DAB1: variants seen among roughly 807,000 people sequenced by gnomAD.
DAB1 encodes DAB adaptor protein 1, also known as disabled homolog 1.
In DAB1, 15 loss-of-function variants were observed where a neutral mutation model predicts 64.6. The observed-to-expected ratio is 0.23, with a 90% CI of 0.16 to 0.36. The LOEUF (loss-of-function observed/expected upper bound fraction) is 0.36, where lower values mean the gene tolerates loss of function less well. DAB1 is among the 10% of genes least tolerant of loss of function. DAB1 has a pLI of 1.00. For synonymous variants in DAB1, 235 were observed against 251.9 expected, an observed-to-expected ratio of 0.93 and a Z score of 0.64; for missense variants, 596 against 706.7, an observed-to-expected ratio of 0.84 and a Z score of 1.78.
intron 2 of DAB1, among the ~76,000 whole-genome samples, chr1:57,267,557 G>C (rs2100578255): frequency 1.3e-5 from 2 of 152,302 alleles, no homozygotes; most frequent in African/African-American, 4.8e-5. Context: ...GCAGCCTCTG[G>C]AGAAAGATGC....
chr1:57,056,727 A>G (rs1292164918), intron 9 of DAB1, among the ~76,000 whole-genome samples: 3 of 148,166 alleles, frequency 2.0e-5, no homozygotes, highest in Non-Finnish European at 4.5e-5. Flanking sequence ...AGCCAGGCGT[A>G]GTGGTGCACG....
intron 4 of DAB1, among the ~76,000 whole-genome samples, chr1:57,107,236 A>G (rs1655246580): frequency 6.6e-6 from 1 of 152,028 alleles, no homozygotes; most frequent in Non-Finnish European, 1.5e-5. Flanking sequence ...TTAGCTGGGC[A>G]TGTTGGTGGA....
At chr1:57,788,691 A>C (rs1650450486) in intron 6 of DAB1, among the ~76,000 whole-genome samples, 2 of 152,156 alleles carry the variant, frequency 1.3e-5, no homozygotes, top group South Asian at 4.1e-4. Context: ...ACTTCCTGTG[A>C]GGAACTTGGG....
chr1:57,415,280 C>CACACAT (rs1369470024), intron 1 of DAB1, among the ~76,000 whole-genome samples: 2,052 of 145,284 alleles, frequency 0.014, 25 homozygotes, highest in Non-Finnish European at 0.019. Context: ...CACACACACA[C>CACACAT]ATATATGCAC....
intron 3 of DAB1, among the ~76,000 whole-genome samples, chr1:58,351,891 G>A (rs1383867287): frequency 6.8e-6 from 1 of 147,778 alleles, no homozygotes; most frequent in Non-Finnish European, 1.5e-5. Flanking sequence ...TAAGGACGGT[G>A]AGTCTAGGTA....
intron 5 of DAB1, among the ~76,000 whole-genome samples, chr1:58,098,544 A>C (rs1015844487): frequency 1.1e-4 from 16 of 152,188 alleles, no homozygotes; most frequent in Non-Finnish European, 5.9e-5. Flanking sequence ...AGGAGTCATG[A>C]ACTATTATAG....
intron 7 of DAB1, among the ~76,000 whole-genome samples, chr1:57,435,905 T>G (rs1685677183): frequency 6.6e-6 from 1 of 151,696 alleles, no homozygotes; most frequent in Non-Finnish European, 1.5e-5. Context: ...TGCTAGACTT[T>G]TTTTTTCTTT....
chr1:57,198,309 T>C (rs868380735), intron 2 of DAB1, among the ~76,000 whole-genome samples: 11 of 152,108 alleles, frequency 7.2e-5, no homozygotes, highest in Non-Finnish European at 1.2e-4. Flanking sequence ...GGTGCTGCCA[T>C]CAAGGAGTTC....
At chr1:57,135,509 A>G (rs1439845306) in intron 4 of DAB1, among the ~76,000 whole-genome samples, 1 of 152,202 alleles carries the variant, frequency 6.6e-6, no homozygotes, top group Non-Finnish European at 1.5e-5. Flanking sequence ...TCATCCATCT[A>G]CAGGCATGGG....
At chr1:57,939,695 G>A (rs1444497228) in intron 5 of DAB1, among the ~76,000 whole-genome samples, 1 of 152,154 alleles carries the variant, frequency 6.6e-6, no homozygotes, top group Non-Finnish European at 1.5e-5. Context: ...GCTTCTTGAG[G>A]ATGTTGAACA....
intron 3 of DAB1, among the ~76,000 whole-genome samples, chr1:58,498,236 A>C (rs558733135): frequency 2.6e-5 from 4 of 151,860 alleles, no homozygotes; most frequent in Admixed American, 2.0e-4. Context: ...GGTAAAACTA[A>C]AAGTTAAAAA....
At chr1:57,820,897 TAA>T (rs1652086320) in intron 6 of DAB1, among the ~76,000 whole-genome samples, 2 of 152,182 alleles carry the variant, frequency 1.3e-5, no homozygotes. Context: ...CTCCCAGATA[TAA>T]AGAGAACATA....
intron 5 of DAB1, among the ~76,000 whole-genome samples, chr1:58,076,924 T>C (rs1438287541): frequency 6.6e-6 from 1 of 152,086 alleles, no homozygotes; most frequent in Non-Finnish European, 1.5e-5. Context: ...TCCTGGGTCA[T>C]CTTCATCTAG....
In DAB1 at chr1:58,086,173, C is replaced by T. The variant is rs941334765; in HGVS notation, n.387+64338G>A. ...AGAGACGGGGTTTCACCGTTTTAGC[C>T]GGGATGGTCTCGATCTCCTGACCTC... On this transcript the variant is annotated intron_variant and non_coding_transcript_variant, in intron 5 of 20. Transcript: ENST00000485760. Among the ~76,000 whole-genome samples, 14 of 151,520 alleles carry T rather than the reference C, an allele frequency of 9.2e-5. No individual in the cohort carries two copies. The South Asian group carries it at 2.7e-3, about 30-fold the overall frequency.
intron 6 of DAB1, among the ~76,000 whole-genome samples, chr1:57,798,879 TTACATATGCCTA>T (rs1650994860): frequency 6.6e-6 from 1 of 152,202 alleles, no homozygotes; most frequent in East Asian, 1.9e-4. Context: ...GGGGAAGGTA[TTACATATGCCTA>T]TACACATTCA....
chr1:57,178,835 A>G (rs1336064438), intron 2 of DAB1, among the ~76,000 whole-genome samples: 1 of 151,490 alleles, frequency 6.6e-6, no homozygotes, highest in East Asian at 1.9e-4. Context: ...TGCACCTAAG[A>G]TAGTGTGTGG....
intron 6 of DAB1, 43 bp from the exon 7 acceptor site, chr1:57,071,104 T>C (rs756572527): frequency 1.9e-6 from 3 of 1,566,104 alleles, no homozygotes; most frequent in African/African-American, 1.4e-5. Flanking sequence ...GCAGAGGACA[T>C]AAAGGAAGAG....
chr1:57,264,828 A>G (rs1260973673), intron 2 of DAB1, among the ~76,000 whole-genome samples: 1 of 152,160 alleles, frequency 6.6e-6, no homozygotes, highest in Non-Finnish European at 1.5e-5. Flanking sequence ...CTGATCACCC[A>G]CTGTATCTGT....
Position 57,034,278 on chromosome 1 carries a change from CA to C in DAB1, c.724-8236del, listed in dbSNP as rs375684000. Among the ~76,000 whole-genome samples, 117 of 119,126 alleles carry C rather than the reference CA, an allele frequency of 9.8e-4. 1 individual carries two copies. Among genetic ancestry groups the C allele is most frequent in the Non-Finnish European group, 1.0e-3 (61 of 60,016 alleles). 78.2% of individuals were successfully genotyped at this position (119,126 alleles called of 152,430 possible). ...CTGGGTGACAGAGCGGACTCCATTT[CA>C]AAAAAAAAAAAAGAAATGCTCCTCC... On this transcript the variant is annotated intron_variant, in intron 9 of 14. Transcript: ENST00000371236.
Sources: allele counts gnomAD v4.1 joint callset (sites outside exome capture counted in the v4.1 genomes callset), GRCh38; gene constraint gnomAD v4.1.1; transcripts MANE v1.5; gene names NCBI Gene and HGNC (gene_info 2026-07-23, HGNC 2026-07-21).